ARMH3: variants seen among roughly 807,000 people sequenced by gnomAD.
ARMH3 encodes armadillo like helical domain containing 3, also known as armadillo-like helical domain-containing protein 3.
ARMH3 carries 60 observed loss-of-function variants against 99.1 expected under a neutral mutation model. The observed-to-expected ratio is 0.61, with a 90% CI of 0.49 to 0.75. The LOEUF is 0.75. ARMH3 is among the 30% of genes least tolerant of loss of function. ARMH3 has a pLI of 0.00. For synonymous variants in ARMH3, 285 were observed against 292.8 expected (o/e 0.97, Z 0.27); for missense variants, 679 against 843.1 (o/e 0.81, Z 2.41).
chr10:101,874,219 T>TGTG (rs2067203679), intron 24 of ARMH3, among the ~76,000 whole-genome samples: 1 of 152,166 alleles, frequency 6.6e-6, no homozygotes, highest in Admixed American at 6.5e-5. Flanking sequence ...ACATCTTGAT[T>TGTG]GTGGTGGTGG....
intron 20 of ARMH3, among the ~76,000 whole-genome samples, chr10:101,958,120 T>C (rs1291383909): frequency 6.6e-6 from 1 of 152,264 alleles, no homozygotes; most frequent in Non-Finnish European, 1.5e-5. Context: ...TGCTAGCTTC[T>C]ATTGTCATCA....
At chr10:101,906,534 G>A (rs1451033852) in intron 23 of ARMH3, among the ~76,000 whole-genome samples, 1 of 152,178 alleles carries the variant, frequency 6.6e-6, no homozygotes, top group Non-Finnish European at 1.5e-5. Flanking sequence ...TGTAGCATTG[G>A]GGAAGAAGAA....
intron 1 of ARMH3, among the ~76,000 whole-genome samples, chr10:102,045,546 C>T (rs1041768382): frequency 6.6e-6 from 1 of 152,188 alleles, no homozygotes; most frequent in Non-Finnish European, 1.5e-5. Context: ...TTTGAATGCA[C>T]TTGGCGTGTT....
At chr10:101,910,646 C>T (rs961411736) in intron 23 of ARMH3, among the ~76,000 whole-genome samples, 5 of 151,260 alleles carry the variant, frequency 3.3e-5, no homozygotes, top group Non-Finnish European at 5.9e-5. Flanking sequence ...GCATAAGAAT[C>T]GCTTGAGCCT....
chr10:101,848,811 C>T (rs1372044238), intron 25 of ARMH3, among the ~76,000 whole-genome samples: 6 of 152,130 alleles, frequency 3.9e-5, no homozygotes, highest in Non-Finnish European at 8.8e-5. Flanking sequence ...CCAGAACTTC[C>T]TCCACATCAA....
chr10:101,934,275 T>A (rs905650794), intron 23 of ARMH3, among the ~76,000 whole-genome samples: 1 of 152,016 alleles, frequency 6.6e-6, no homozygotes, highest in African/African-American at 2.4e-5. Flanking sequence ...AGGGGAAGAG[T>A]GTTTTTTAGG....
At chr10:101,890,331 C>G in intron 23 of ARMH3, among the ~76,000 whole-genome samples, 1 of 151,872 alleles carries the variant, frequency 6.6e-6, no homozygotes, top group Non-Finnish European at 1.5e-5. Flanking sequence ...GCATCCTTAA[C>G]CTCCCAGGCT....
rs1169715301 is a variant in ARMH3, at chr10:101,886,680, G to A, written c.1860+2732C>T. Among the ~76,000 whole-genome samples the A allele has an allele frequency of 3.9e-5, 6 of 152,114 alleles. No individual in the cohort carries two copies. In the South Asian group the frequency reaches 8.3e-4, roughly 21 times the overall value. ...TGAAAGGCTGGGCTTTGTTTAATATGCAATAATGGATTTACAAGTACCACC... is the reference window on the plus strand; with the variant it reads ...TGAAAGGCTGGGCTTTGTTTAATATACAATAATGGATTTACAAGTACCACC... On this transcript the variant is annotated intron_variant, in intron 24 of 25. Coordinates refer to ENST00000370033, the MANE Select transcript of ARMH3 (RefSeq NM_024541.3).
intron 22 of ARMH3, among the ~76,000 whole-genome samples, 165 bp from the exon 23 acceptor site, chr10:101,940,103 T>C (rs1017093301): frequency 2.0e-5 from 3 of 152,276 alleles, no homozygotes; most frequent in Non-Finnish European, 4.4e-5. Flanking sequence ...CAAGGGCTTA[T>C]AGAATTCTCG....
intron 23 of ARMH3, 79 bp from the exon 24 acceptor site, chr10:101,889,569 C>A (rs1468921455): frequency 7.5e-7 from 1 of 1,328,518 alleles, no homozygotes; most frequent in Non-Finnish European, 1.1e-6. Flanking sequence ...GATCAAGTAC[C>A]CTCTGGTTTA....
chr10:101,962,032 C>T (rs1845320144), intron 20 of ARMH3, among the ~76,000 whole-genome samples: 1 of 152,182 alleles, frequency 6.6e-6, no homozygotes, highest in Non-Finnish European at 1.5e-5. Context: ...CAGGATTCTT[C>T]ACCAAAGGCC....
chr10:101,909,397 A>C (rs1484380602), intron 23 of ARMH3, among the ~76,000 whole-genome samples: 1 of 150,180 alleles, frequency 6.7e-6, no homozygotes, highest in African/African-American at 2.4e-5. Flanking sequence ...ACAGGAGTGA[A>C]ACCCTAAACC....
chr10:102,000,814 T>C (rs535131928), intron 15 of ARMH3, among the ~76,000 whole-genome samples: 9 of 151,636 alleles, frequency 5.9e-5, no homozygotes, highest in Admixed American at 3.9e-4. Context: ...ATGGTGATGA[T>C]AGTTTTGTTG....
Position 101,847,692 on chromosome 10 carries a change from G to A in ARMH3, c.1978-72C>T, listed in dbSNP as rs1252814403. 11 of 1,393,160 alleles carry A rather than the reference G, an allele frequency of 7.9e-6. No individual in the cohort carries two copies. In the Admixed American group the frequency reaches 1.3e-4, roughly 17 times the overall value. The allele number at this position is 1,393,160 out of a possible 1,614,324, so 86.3% of individuals were successfully genotyped here. ...AAACAGGAGAGAGTCAGTTCTAAAC[G>A]GCAGAGGACAGTGCCTGCTACACGG... On this transcript the variant is annotated intron_variant, in intron 25 of 25. Transcript: ENST00000370033.
intron 19 of ARMH3, among the ~76,000 whole-genome samples, chr10:101,989,891 T>A (rs1449023658): frequency 1.3e-5 from 2 of 152,202 alleles, no homozygotes; most frequent in Non-Finnish European, 2.9e-5. Context: ...GCTATCTCTC[T>A]CTAAATTCGT....
chr10:101,931,797 A>T (rs969747106), intron 23 of ARMH3, among the ~76,000 whole-genome samples: 2 of 152,220 alleles, frequency 1.3e-5, no homozygotes, highest in African/African-American at 4.8e-5. Flanking sequence ...GGCTAAAACA[A>T]CATAAAACTC....
At chr10:101,921,623 A>G (rs996535046) in intron 23 of ARMH3, among the ~76,000 whole-genome samples, 2 of 152,248 alleles carry the variant, frequency 1.3e-5, no homozygotes, top group Non-Finnish European at 2.9e-5. Context: ...AATGTGGTAT[A>G]TACACATGAT....
At chr10:101,868,207 G>A (rs962597118) in intron 24 of ARMH3, among the ~76,000 whole-genome samples, 3 of 152,116 alleles carry the variant, frequency 2.0e-5, no homozygotes, top group Admixed American at 6.5e-5. Flanking sequence ...AGGGAGATGC[G>A]TTCTTCCCCA....
chr10:102,016,005 C>T (rs752285265), intron 8 of ARMH3, among the ~76,000 whole-genome samples: 1 of 152,138 alleles, frequency 6.6e-6, no homozygotes, highest in Non-Finnish European at 1.5e-5. Flanking sequence ...CATAGTGGCA[C>T]ACGCCTGTAG....
Sources: allele counts gnomAD v4.1 joint callset (sites outside exome capture counted in the v4.1 genomes callset), GRCh38; gene constraint gnomAD v4.1.1; transcripts MANE v1.5; gene names NCBI Gene and HGNC (gene_info 2026-07-23, HGNC 2026-07-21).